SPMAP2L: variants seen among roughly 807,000 people sequenced by gnomAD.
SPMAP2L encodes sperm microtubule associated protein 2-like.
chr4:56,532,834 T>C, the SPMAP2L span, among the ~76,000 whole-genome samples: 1 of 152,218 alleles, frequency 6.6e-6, no homozygotes, highest in Non-Finnish European at 1.5e-5. Flanking sequence ...GGAAAGATCT[T>C]GTCCTTCACC....
At chr4:56,591,736 A>C in the SPMAP2L span, among the ~76,000 whole-genome samples, 1 of 152,246 alleles carries the variant, frequency 6.6e-6, no homozygotes, top group Non-Finnish European at 1.5e-5. Context: ...ATTTAAATAG[A>C]AGACCATGTA....
the SPMAP2L span, chr4:56,595,824 T>C: frequency 7.9e-6 from 6 of 760,250 alleles, no homozygotes; most frequent in South Asian, 1.4e-5. Context: ...GTAGGAGTTT[T>C]ATATACTGTG....
chr4:56,600,061 A>T, the SPMAP2L span, among the ~76,000 whole-genome samples: 4,668 of 149,748 alleles, frequency 0.031, 227 homozygotes, highest in African/African-American at 0.1. Context: ...TGTTGGTGGG[A>T]ATGTAAACCA....
the SPMAP2L span, among the ~76,000 whole-genome samples, chr4:56,538,992 C>T: frequency 2.0e-5 from 3 of 152,226 alleles, no homozygotes; most frequent in Non-Finnish European, 2.9e-5. Context: ...AGCACATCCC[C>T]GTGCCTCTAC....
the SPMAP2L span, chr4:56,575,354 G>C: frequency 5.7e-6 from 5 of 873,754 alleles, no homozygotes; most frequent in Non-Finnish European, 8.3e-6. Context: ...CGTTTCTAAA[G>C]CAATTAATTT....
At chr4:56,596,342 T>A in the SPMAP2L span, among the ~76,000 whole-genome samples, 1 of 152,206 alleles carries the variant, frequency 6.6e-6, no homozygotes, top group Non-Finnish European at 1.5e-5. Flanking sequence ...TAGAAATTGA[T>A]CCTTTCAGCT....
chr4:56,537,827 G>C, the SPMAP2L span, among the ~76,000 whole-genome samples: 1 of 152,022 alleles, frequency 6.6e-6, no homozygotes, highest in Non-Finnish European at 1.5e-5. Context: ...CGAGTAGCTG[G>C]GACTACAGGT....
At chr4:56,578,840 G>A in the SPMAP2L span, among the ~76,000 whole-genome samples, 1 of 151,866 alleles carries the variant, frequency 6.6e-6, no homozygotes, top group African/African-American at 2.4e-5. Flanking sequence ...CACTTTGGGA[G>A]GCCAAGGTGA....
the SPMAP2L span, among the ~76,000 whole-genome samples, chr4:56,543,899 T>A: frequency 3.7e-3 from 360 of 98,250 alleles, 4 homozygotes; most frequent in East Asian, 9.3e-3. Flanking sequence ...AGAGAGAGTG[T>A]GTGTGTGTGT....
the SPMAP2L span, among the ~76,000 whole-genome samples, chr4:56,598,020 C>G: frequency 6.6e-6 from 1 of 152,062 alleles, no homozygotes; most frequent in East Asian, 1.9e-4. Context: ...GTGCCACCAC[C>G]CCCAAGTTTT....
chr4:56,537,046 G>A, the SPMAP2L span, among the ~76,000 whole-genome samples: 293 of 152,220 alleles, frequency 1.9e-3, no homozygotes, highest in Non-Finnish European at 3.0e-3. Context: ...TTACAGGCAT[G>A]AGCCACCACG....
chr4:56,594,508 G>A, the SPMAP2L span: 1 of 1,607,250 alleles, frequency 6.2e-7, no homozygotes, highest in African/African-American at 1.3e-5. Context: ...AGCCAAACAG[G>A]GGAGCCCAGG....
the SPMAP2L span, among the ~76,000 whole-genome samples, chr4:56,587,642 A>G: frequency 6.8e-3 from 1,035 of 152,292 alleles, 13 homozygotes; most frequent in African/African-American, 0.024. Flanking sequence ...TGCAAATGCT[A>G]TTAATTCATT....
chr4:56,530,916 T>G, the SPMAP2L span: 1 of 1,534,444 alleles, frequency 6.5e-7, no homozygotes, highest in Non-Finnish European at 8.7e-7. Context: ...ATGAGCCTCA[T>G]GAGTCCTATG....
At chr4:56,546,611 C>T in the SPMAP2L span, among the ~76,000 whole-genome samples, 1 of 152,182 alleles carries the variant, frequency 6.6e-6, no homozygotes, top group South Asian at 2.1e-4. Flanking sequence ...AGTGAGATAA[C>T]CTCAAAAGTG....
At chr4:56,545,795 T>A in the SPMAP2L span, among the ~76,000 whole-genome samples, 1 of 152,024 alleles carries the variant, frequency 6.6e-6, no homozygotes, top group South Asian at 2.1e-4. Flanking sequence ...CATTTTTGTT[T>A]ATGTTTGTTT....
chr4:56,593,376 A>C, the SPMAP2L span: 2 of 1,254,892 alleles, frequency 1.6e-6, no homozygotes, highest in African/African-American at 1.5e-5. Context: ...AATATACTGG[A>C]GTCCTCATTG....
the SPMAP2L span, among the ~76,000 whole-genome samples, chr4:56,563,883 C>T: frequency 5.9e-3 from 900 of 152,222 alleles, 10 homozygotes; most frequent in African/African-American, 0.02. Context: ...TTTGGTATTA[C>T]GGTAATGGTG....
the SPMAP2L span, chr4:56,601,253 T>C: frequency 1.1e-6 from 1 of 873,830 alleles, no homozygotes; most frequent in Non-Finnish European, 1.7e-6. Flanking sequence ...ATTACATTTA[T>C]TGTGATACAT....
Sources: allele counts gnomAD v4.1 joint callset (sites outside exome capture counted in the v4.1 genomes callset), GRCh38; gene constraint gnomAD v4.1.1; transcripts MANE v1.5; gene names NCBI Gene and HGNC (gene_info 2026-07-23, HGNC 2026-07-21).